The following WWOX variants were observed in gnomAD, a reference collection of about 807,000 sequenced individuals.
WWOX encodes WW domain-containing oxidoreductase.
In WWOX, 69 loss-of-function variants were observed where a neutral mutation model predicts 46.2. The observed-to-expected ratio is 1.49, with a 90% CI of 1.23 to 1.82. The LOEUF is 1.82. Ranked by LOEUF, WWOX falls within the 40% of genes most tolerant of loss-of-function variation. The pLI is 0.00. For missense variants in WWOX, 919 were observed against 542.6 expected, an observed-to-expected ratio of 1.69 and a Z score of -6.89; for synonymous variants, 359 against 202.6, an observed-to-expected ratio of 1.77 and a Z score of -6.56.
intron 5 of WWOX, among the ~76,000 whole-genome samples, chr16:78,337,303 T>A (rs778157913): frequency 1.5e-4 from 23 of 152,154 alleles, no homozygotes; most frequent in Non-Finnish European, 1.8e-4. Context: ...CAGTTGTAGA[T>A]TTACAAAGTA....
chr16:79,028,927 G>A (rs1004719125), intron 8 of WWOX, among the ~76,000 whole-genome samples: 2 of 151,578 alleles, frequency 1.3e-5, no homozygotes, highest in Non-Finnish European at 1.5e-5. Context: ...ATTTATAGCC[G>A]CTGACATTGA....
intron 5 of WWOX, among the ~76,000 whole-genome samples, chr16:78,282,087 T>C (rs375947415): frequency 9.2e-5 from 14 of 152,288 alleles, no homozygotes; most frequent in African/African-American, 3.4e-4. Context: ...CACCTATCCC[T>C]GAATCAGTCA....
intron 8 of WWOX, among the ~76,000 whole-genome samples, chr16:78,857,746 C>G (rs967221580): frequency 6.6e-6 from 1 of 152,182 alleles, no homozygotes; most frequent in Admixed American, 6.5e-5. Context: ...GACTCATGCT[C>G]ATAACTCGAT....
intron 8 of WWOX, among the ~76,000 whole-genome samples, chr16:78,633,226 C>A (rs913222547): frequency 3.3e-5 from 5 of 152,150 alleles, no homozygotes; most frequent in Non-Finnish European, 5.9e-5. Context: ...CGTGCCACTG[C>A]GCTCCATGCT....
intron 8 of WWOX, among the ~76,000 whole-genome samples, chr16:78,701,054 G>A (rs1380218421): frequency 6.6e-6 from 1 of 152,090 alleles, no homozygotes; most frequent in Non-Finnish European, 1.5e-5. Context: ...TCTTGGGCAC[G>A]TTTTTCAACC....
At chr16:78,786,885 C>G (rs1261451807) in intron 8 of WWOX, among the ~76,000 whole-genome samples, 1 of 152,174 alleles carries the variant, frequency 6.6e-6, no homozygotes, top group African/African-American at 2.4e-5. Context: ...TGGTGACTCA[C>G]GCCTGTAATC....
chr16:79,171,346 A>T (rs765463229), intron 8 of WWOX, among the ~76,000 whole-genome samples: 6 of 152,234 alleles, frequency 3.9e-5, no homozygotes, highest in Non-Finnish European at 7.3e-5. Flanking sequence ...GTAGCACTAT[A>T]GTTGTTATTT....
intron 8 of WWOX, among the ~76,000 whole-genome samples, chr16:79,174,324 G>A (rs2050758116): frequency 6.6e-6 from 1 of 152,232 alleles, no homozygotes; most frequent in African/African-American, 2.4e-5. Flanking sequence ...TAGTGCCTTG[G>A]CCAGACAAGT....
intron 8 of WWOX, among the ~76,000 whole-genome samples, chr16:78,997,364 TG>T (rs2047010944): frequency 6.6e-6 from 1 of 152,210 alleles, no homozygotes; most frequent in Admixed American, 6.5e-5. Context: ...AGAAGATTCG[TG>T]GCTTGGGTCT....
chr16:78,151,962 G>A (rs1313463139), intron 4 of WWOX, among the ~76,000 whole-genome samples: 10 of 152,098 alleles, frequency 6.6e-5, no homozygotes, highest in Admixed American at 2.0e-4. Flanking sequence ...AGGCCGAGGC[G>A]GGCAGATCAC....
chr16:78,867,040 T>C (rs1012431803), intron 8 of WWOX, among the ~76,000 whole-genome samples: 6 of 152,196 alleles, frequency 3.9e-5, no homozygotes, highest in African/African-American at 1.4e-4. Context: ...TTCTTGACTT[T>C]GTGGAAGGAG....
intron 8 of WWOX, among the ~76,000 whole-genome samples, chr16:78,530,982 C>G (rs1381822487): frequency 1.3e-5 from 2 of 152,194 alleles, no homozygotes; most frequent in East Asian, 3.9e-4. Flanking sequence ...TGATATTACT[C>G]TGCAAATATG....
At chr16:78,576,824 C>G (rs2044892861) in intron 8 of WWOX, among the ~76,000 whole-genome samples, 1 of 152,222 alleles carries the variant, frequency 6.6e-6, no homozygotes, top group South Asian at 2.1e-4. Flanking sequence ...CAACAAGACC[C>G]TGTCCCTTAA....
intron 8 of WWOX, among the ~76,000 whole-genome samples, chr16:79,170,661 G>A (rs1409935537): frequency 7.9e-6 from 1 of 126,686 alleles, no homozygotes; most frequent in Non-Finnish European, 1.7e-5. Flanking sequence ...ACAGTCAAGA[G>A]TTACTTCTAT....
intron 5 of WWOX, among the ~76,000 whole-genome samples, chr16:78,300,368 G>T (rs752676966): frequency 2.6e-5 from 4 of 152,128 alleles, no homozygotes; most frequent in Non-Finnish European, 5.9e-5. Flanking sequence ...AGAGGATTCC[G>T]AAAGCTAGCG....
chr16:78,854,467 T>C (rs1476026004), intron 8 of WWOX, among the ~76,000 whole-genome samples: 3 of 152,258 alleles, frequency 2.0e-5, no homozygotes, highest in African/African-American at 7.2e-5. Flanking sequence ...TTCTAAAATA[T>C]GTAGCCAGTT....
intron 4 of WWOX, chr16:78,123,405 G>A (rs191279462): frequency 3.8e-4 from 53 of 139,544 alleles, no homozygotes; most frequent in African/African-American, 1.4e-3. Flanking sequence ...TGAACGCCTT[G>A]GTGACCCTAT....
intron 5 of WWOX, among the ~76,000 whole-genome samples, chr16:78,371,016 T>G (rs2081670063): frequency 6.6e-6 from 1 of 151,052 alleles, no homozygotes; most frequent in Non-Finnish European, 1.5e-5. Context: ...TCCTTTCTTT[T>G]ATTATCTCTT....
chr16:79,009,074 C>G (rs921052666), intron 8 of WWOX, among the ~76,000 whole-genome samples: 41 of 152,170 alleles, frequency 2.7e-4, no homozygotes, highest in Admixed American at 2.7e-3. Flanking sequence ...GAGGGATCCA[C>G]GGAGCTGGCA....
Sources: gnomAD v4.1 joint callset for allele counts (sites outside exome capture counted in the v4.1 genomes callset) on GRCh38, gnomAD v4.1.1 for gene constraint, MANE v1.5 for transcripts, NCBI Gene and HGNC (gene_info 2026-07-23, HGNC 2026-07-21) for gene names.